Variants in CTNNBL1 observed in about 807,000 individuals in gnomAD.
The protein encoded by CTNNBL1 is catenin beta like 1.
CTNNBL1 carries 31 observed loss-of-function variants against 72.7 expected under a neutral mutation model. The observed-to-expected ratio is 0.43, with a 90% CI of 0.32 to 0.58. The LOEUF (loss-of-function observed/expected upper bound fraction) is 0.58. Among genes scored for constraint, CTNNBL1 ranks in the 20% least tolerant of loss-of-function variants. The pLI is 0.08. For missense variants in CTNNBL1, 534 were observed against 725.1 expected (o/e 0.74, Z 3.03); for synonymous variants, 240 against 267.3 (o/e 0.90, Z 1.00).
intron 13 of CTNNBL1, among the ~76,000 whole-genome samples, chr20:37,857,432 T>A (rs2072452728): frequency 6.6e-6 from 1 of 152,204 alleles, no homozygotes; most frequent in Non-Finnish European, 1.5e-5. Flanking sequence ...AAAGCTCTGA[T>A]AAGTCACAGG....
At chr20:37,807,734 T>G (rs2071972149) in intron 11 of CTNNBL1, among the ~76,000 whole-genome samples, 1 of 152,180 alleles carries the variant, frequency 6.6e-6, no homozygotes, top group African/African-American at 2.4e-5. Flanking sequence ...TAATAAAACC[T>G]TCAGAAATAG....
chr20:37,768,028 T>G lies in CTNNBL1; in HGVS notation c.734T>G (p.Leu245Arg). Residue 245 changes from leucine to arginine, a missense_variant, in exon 7 of 16, where the codon CTG becomes CGG. Transcript: ENST00000361383. ...EGAQQGLLQW[L>R]LKRLKAKMPF... ...GCCCAGCAGGGTCTTCTACAGTGGCTGTTGAAGAGGCTGAAGGTGAGTTTG... is the reference window on the plus strand; with the variant it reads ...GCCCAGCAGGGTCTTCTACAGTGGCGGTTGAAGAGGCTGAAGGTGAGTTTG... The G allele has an allele frequency of 6.2e-7, 1 of 1,613,960 alleles. No homozygotes were observed. Among genetic ancestry groups the G allele is most frequent in the South Asian group, 1.1e-5 (1 of 91,070 alleles).
At chr20:37,746,345 A>G in intron 3 of CTNNBL1, 123 bp from the exon 4 acceptor site, 2 of 918,582 alleles carry the variant, frequency 2.2e-6, no homozygotes, top group Non-Finnish European at 3.4e-6. Flanking sequence ...GGATGAGTGT[A>G]CTTCTTGGTT....
chr20:37,777,330 C>T lies in CTNNBL1; in HGVS notation c.751-15C>T. 6.2e-7 allele frequency: 1 copy of T among 1,610,510 alleles called. No homozygotes were observed. The highest frequency in any genetic ancestry group is 8.5e-7 in the Non-Finnish European group (1 of 1,176,798). On this transcript the variant is annotated splice_polypyrimidine_tract_variant and intron_variant, in intron 7 of 15. Coordinates refer to ENST00000361383, the MANE Select transcript of CTNNBL1 (RefSeq NM_030877.5). ...ACCCCTTAACATTTTTCTCATTTCT[C>T]CTATTTCCCCATAGGCAAAGATGCC...
At chr20:37,717,251 C>T (rs943623854) in intron 1 of CTNNBL1, among the ~76,000 whole-genome samples, 3 of 152,160 alleles carry the variant, frequency 2.0e-5, no homozygotes, top group African/African-American at 7.2e-5. Context: ...TATTTCTTTG[C>T]CCACTTTGGT....
intron 11 of CTNNBL1, among the ~76,000 whole-genome samples, chr20:37,813,710 G>A (rs1021885022): frequency 1.3e-5 from 2 of 152,216 alleles, no homozygotes; most frequent in Non-Finnish European, 2.9e-5. Context: ...TCTTGATTAA[G>A]TTGTATAGAA....
At chr20:37,783,502 T>A (rs1323986209) in intron 10 of CTNNBL1, among the ~76,000 whole-genome samples, 1 of 152,162 alleles carries the variant, frequency 6.6e-6, no homozygotes, top group Non-Finnish European at 1.5e-5. Flanking sequence ...TGCTTATTGC[T>A]ATGAACTTTC....
At chr20:37,825,285 G>T (rs1252941035) in intron 11 of CTNNBL1, among the ~76,000 whole-genome samples, 1 of 152,126 alleles carries the variant, frequency 6.6e-6, no homozygotes, top group Non-Finnish European at 1.5e-5. Context: ...CCTGGGAGGT[G>T]GAAGTTGTAG....
intron 15 of CTNNBL1, among the ~76,000 whole-genome samples, chr20:37,863,941 C>T (rs1189567725): frequency 1.3e-5 from 2 of 152,182 alleles, no homozygotes; most frequent in Non-Finnish European, 2.9e-5. Context: ...TGGTGTGCCC[C>T]TGTCCTGCCT....
intron 1 of CTNNBL1, among the ~76,000 whole-genome samples, chr20:37,709,210 C>G (rs192135979): frequency 1.1e-3 from 172 of 152,292 alleles, no homozygotes; most frequent in Non-Finnish European, 1.8e-3. Flanking sequence ...ATATATCTGA[C>G]TTTATTCCAA....
intron 5 of CTNNBL1, among the ~76,000 whole-genome samples, chr20:37,763,430 C>T (rs1471689551): frequency 2.6e-5 from 4 of 152,130 alleles, no homozygotes; most frequent in Non-Finnish European, 4.4e-5. Context: ...CCTCCTTTTT[C>T]CTCATACCAG....
At chr20:37,752,909 A>G (rs986780211) in intron 4 of CTNNBL1, among the ~76,000 whole-genome samples, 3 of 152,042 alleles carry the variant, frequency 2.0e-5, no homozygotes, top group Non-Finnish European at 4.4e-5. Context: ...CTCTTTTCCT[A>G]TTATACTTGG....
At chr20:37,822,000 G>A (rs1343536293) in intron 11 of CTNNBL1, among the ~76,000 whole-genome samples, 1 of 151,756 alleles carries the variant, frequency 6.6e-6, no homozygotes, top group African/African-American at 2.4e-5. Flanking sequence ...TATAGCTGTT[G>A]AGATCTTCCA....
At chr20:37,780,796 A>G (rs1346619314) in intron 10 of CTNNBL1, among the ~76,000 whole-genome samples, 1 of 152,220 alleles carries the variant, frequency 6.6e-6, no homozygotes, top group Admixed American at 6.5e-5. Flanking sequence ...GAAATGATGT[A>G]TAATGAAACC....
intron 13 of CTNNBL1, among the ~76,000 whole-genome samples, chr20:37,845,114 G>C (rs1600524779): frequency 6.6e-6 from 1 of 152,172 alleles, no homozygotes; most frequent in African/African-American, 2.4e-5. Context: ...CTTTTAGTAA[G>C]CCTTTTTAGT....
At chr20:37,741,340 A>G (rs1027698026) in intron 3 of CTNNBL1, among the ~76,000 whole-genome samples, 2 of 152,224 alleles carry the variant, frequency 1.3e-5, no homozygotes, top group African/African-American at 2.4e-5. Flanking sequence ...GACGACTGTT[A>G]TAACAAACTT....
chr20:37,771,990 G>A (rs2073528943), intron 7 of CTNNBL1, among the ~76,000 whole-genome samples: 1 of 151,998 alleles, frequency 6.6e-6, no homozygotes, highest in Non-Finnish European at 1.5e-5. Context: ...TTTTTCCAAT[G>A]GGTTCTCTTG....
At chr20:37,825,989 A>G (rs187528759) in intron 11 of CTNNBL1, among the ~76,000 whole-genome samples, 1 of 152,322 alleles carries the variant, frequency 6.6e-6, no homozygotes, top group Admixed American at 6.5e-5. Flanking sequence ...CGGTGTACAC[A>G]CATCGCAAGC....
chr20:37,734,912 A>G (rs1390361177), intron 2 of CTNNBL1, among the ~76,000 whole-genome samples: 1 of 152,250 alleles, frequency 6.6e-6, no homozygotes, highest in Non-Finnish European at 1.5e-5. Context: ...CGGAAATCCC[A>G]TGAGAGCTGT....
Sources: gnomAD v4.1 joint callset for allele counts (sites outside exome capture counted in the v4.1 genomes callset) on GRCh38, gnomAD v4.1.1 for gene constraint, MANE v1.5 for transcripts, NCBI Gene and HGNC (gene_info 2026-07-23, HGNC 2026-07-21) for gene names.